EPB41L4A: variants seen among roughly 807,000 people sequenced by gnomAD.
EPB41L4A encodes the protein erythrocyte membrane protein band 4.1 like 4A.
In EPB41L4A, 100 loss-of-function variants were observed where a neutral mutation model predicts 108.6. The observed-to-expected ratio is 0.92, with a 90% CI of 0.78 to 1.09. The LOEUF is 1.09. Ranked by LOEUF, EPB41L4A falls within the 50% of genes least tolerant of loss-of-function variation. The pLI is 0.00. For synonymous variants in EPB41L4A, 319 were observed against 289.0 expected (o/e 1.10, Z -1.05); for missense variants, 1,030 against 842.7 (o/e 1.22, Z -2.75).
At chr5:112,397,387 T>A (rs1761429937) in intron 1 of EPB41L4A, among the ~76,000 whole-genome samples, 1 of 152,190 alleles carries the variant, frequency 6.6e-6, no homozygotes, top group Non-Finnish European at 1.5e-5. Context: ...TATACATGTA[T>A]TACGTCTTAA....
chr5:112,301,319 G>T lies in EPB41L4A; in HGVS notation c.204+6067C>A, dbSNP rs540567893. Among the ~76,000 whole-genome samples, 3 of 152,254 alleles carry T rather than the reference G, an allele frequency of 2.0e-5. No homozygotes were observed. The Middle Eastern group carries it at 0.01, about 518-fold the overall frequency. On this transcript the variant is annotated intron_variant, in intron 2 of 22. Coordinates refer to ENST00000261486, the MANE Select transcript of EPB41L4A (RefSeq NM_022140.5). ...ATCTGGAACTTAAGGCTGCTGTTCA[G>T]ATTCTTTTGTCCCATGGGGTGTTCC...
chr5:112,307,445 C>T lies in EPB41L4A; in HGVS notation c.145G>A (p.Val49Ile), dbSNP rs969570026. ...SVVLDHVFHH[V>I]NLVEIDYFGL... ...AAATAATCTATCTCCACAAGGTTTA[C>T]GTGATGGAATACGTGGTCAAGGACA... The change falls in exon 2 of 23, where the codon GTA (valine) becomes ATA (isoleucine). Residue 49 changes from valine to isoleucine, a missense_variant. Transcript: ENST00000261486. 17 of 1,613,098 alleles carry T rather than the reference C, an allele frequency of 1.1e-5. No individual in the cohort carries two copies. The highest frequency in any genetic ancestry group is 1.2e-5 in the Non-Finnish European group (14 of 1,179,342).
rs777096711 is a variant in EPB41L4A, at chr5:112,280,295, G to T, written c.233C>A (p.Ala78Asp). ...TYWLDPAKTL[A>D]EHKELINTGP... ...ACTGTTGATCAGTTCTTTGTGTTCA[G>T]CAAGGGTTTTTGCAGGATCCAGCCA... The change falls in exon 3 of 23, where the codon GCT (alanine) becomes GAT (aspartate). Residue 78 changes from alanine (A) to aspartate (D), a missense_variant. Transcript: ENST00000261486. 6 of 1,614,018 alleles carry T rather than the reference G, an allele frequency of 3.7e-6. No homozygotes were observed. Among genetic ancestry groups the T allele is most frequent in the Non-Finnish European group, 5.1e-6 (6 of 1,179,908 alleles).
chr5:112,199,823 CTGAAACCAT>C (rs1762135860), intron 15 of EPB41L4A, among the ~76,000 whole-genome samples: 13 of 152,224 alleles, frequency 8.5e-5, no homozygotes, highest in Admixed American at 8.5e-4. Flanking sequence ...TCACTGGCTA[CTGAAACCAT>C]CTACTTCTTT....
chr5:112,218,462 A>G (rs1747811079), intron 12 of EPB41L4A, among the ~76,000 whole-genome samples: 1 of 152,116 alleles, frequency 6.6e-6, no homozygotes, highest in Non-Finnish European at 1.5e-5. Context: ...CCTCTCCTCC[A>G]ATCCTCTATC....
In EPB41L4A at chr5:112,418,075, C is replaced by G. The variant is rs572313275; in HGVS notation, c.99+866G>C. Among the ~76,000 whole-genome samples, 71 of 152,296 alleles carry G rather than the reference C, an allele frequency of 4.7e-4. 2 individuals carry two copies. The South Asian group carries it at 0.015, about 31-fold the overall frequency. On this transcript the variant is annotated intron_variant, in intron 1 of 22. Coordinates refer to ENST00000261486, the MANE Select transcript of EPB41L4A (RefSeq NM_022140.5). ...GGGGGGGCGGTTTCCCTTCACCAGA[C>G]TCAGCTGTTGCCTTATCTAAAATGC...
At chr5:112,142,308 T>G (rs1303751526), downstream of EPB41L4A, 1 of 152,240 alleles carries the variant, frequency 6.6e-6, no homozygotes. Flanking sequence ...TCATTCACCA[T>G]CTTCTGGCTT....
Position 112,307,568 on chromosome 5 carries a change from T to G in EPB41L4A, c.100-78A>C, listed in dbSNP as rs1754776994. ...AGTACACAGTCATGGTTCTCATCTT[T>G]TATTAGTTTCACTCACAATAGCAGC... is the stretch of plus-strand genomic sequence containing the variant. On this transcript the variant is annotated intron_variant, in intron 1 of 22. Transcript: ENST00000261486. 5.5e-6 allele frequency: 5 copies of G among 903,010 alleles called. No homozygotes were observed. In the South Asian group the frequency reaches 6.3e-5, roughly 11 times the overall value. The allele number at this position is 903,010 out of a possible 1,614,324, so 55.9% of individuals were successfully genotyped here.
intron 2 of EPB41L4A, among the ~76,000 whole-genome samples, chr5:112,285,188 A>G (rs1753208921): frequency 6.6e-6 from 1 of 152,224 alleles, no homozygotes; most frequent in Non-Finnish European, 1.5e-5. Flanking sequence ...TAAGAATGTT[A>G]CATTGACATT....
rs908192076 is a variant in EPB41L4A at position 112,173,647 on chromosome 5, T to A, written c.1623-2655A>T. The A allele has an allele frequency of 2.3e-4, 3 of 13,186 alleles. No individual in the cohort carries two copies. In the East Asian group the frequency reaches 0.5, roughly 2,198 times the overall value. 0.8% of individuals were successfully genotyped at this position (13,186 alleles called of 1,614,324 possible). A position where few individuals can be genotyped will look rare whatever the true frequency, so the allele number is the denominator to read the frequency against. On this transcript the variant is annotated intron_variant, in intron 18 of 22. Transcript: ENST00000261486. ...AAGAATTAGAGAAATGTTATCTTTG[T>A]TTTTTTTTTTTTTTGAGAGAGAGTC...
chr5:112,218,629 GTTT>G (rs1231542521), intron 12 of EPB41L4A, among the ~76,000 whole-genome samples: 3 of 152,240 alleles, frequency 2.0e-5, no homozygotes, highest in Middle Eastern at 3.4e-3. Context: ...TACTTTTGAG[GTTT>G]TTATTTGATG....
At chr5:112,244,991 A>G (rs1402530451) in intron 9 of EPB41L4A, among the ~76,000 whole-genome samples, 1 of 152,148 alleles carries the variant, frequency 6.6e-6, no homozygotes, top group Non-Finnish European at 1.5e-5. Flanking sequence ...TGACACAGTG[A>G]CACGAAGTGA....
In EPB41L4A at chr5:112,253,997, G is replaced by A. The variant is rs923521654; in HGVS notation, c.795+5232C>T. On this transcript the variant is annotated intron_variant, in intron 9 of 22. Transcript: ENST00000261486. Reference sequence around the variant, plus strand: ...CGTGTACTCTCCTTAAAGCAAGCCGGAGAGTTCTGCCAAGTGGATCTCATT... The same window carrying A: ...CGTGTACTCTCCTTAAAGCAAGCCGAAGAGTTCTGCCAAGTGGATCTCATT... Among the ~76,000 whole-genome samples the A allele has an allele frequency of 5.9e-5, 9 of 152,230 alleles. No homozygotes were observed. The South Asian group carries it at 8.3e-4, about 14-fold the overall frequency.
intron 1 of EPB41L4A, among the ~76,000 whole-genome samples, chr5:112,403,061 T>C (rs561394733): frequency 6.6e-6 from 1 of 151,808 alleles, no homozygotes; most frequent in African/African-American, 2.4e-5. Flanking sequence ...AAAACAAAGA[T>C]TTTTAACCCA....
intron 12 of EPB41L4A, among the ~76,000 whole-genome samples, chr5:112,151,316 G>GGGTA (rs771510891): frequency 7.7e-4 from 116 of 149,894 alleles, no homozygotes; most frequent in Admixed American, 1.6e-3. Flanking sequence ...GTGGGGTAAA[G>GGGTA]GGTAGCTAGC....
At chr5:112,242,693 T>C (rs1423682005) in intron 9 of EPB41L4A, among the ~76,000 whole-genome samples, 1 of 152,208 alleles carries the variant, frequency 6.6e-6, no homozygotes, top group East Asian at 1.9e-4. Context: ...ATCTATCGCA[T>C]CTATAGTTTG....
chr5:112,318,402 T>G (rs1358119202), intron 1 of EPB41L4A, among the ~76,000 whole-genome samples: 1 of 152,190 alleles, frequency 6.6e-6, no homozygotes, highest in Non-Finnish European at 1.5e-5. Flanking sequence ...CTGTCTAGGA[T>G]CCCTGAGCCA....
chr5:112,235,487 A>C (rs1349280117), intron 11 of EPB41L4A, among the ~76,000 whole-genome samples: 1 of 152,206 alleles, frequency 6.6e-6, no homozygotes, highest in East Asian at 1.9e-4. Flanking sequence ...ATGCAGGTAA[A>C]TATCATTTAG....
chr5:112,409,840 A>G (rs1164293271), intron 1 of EPB41L4A, among the ~76,000 whole-genome samples: 2 of 152,140 alleles, frequency 1.3e-5, no homozygotes, highest in Non-Finnish European at 2.9e-5. Context: ...TACTGATGAG[A>G]AAGCCAACTC....
Sources: gnomAD v4.1 joint callset for allele counts (sites outside exome capture counted in the v4.1 genomes callset) on GRCh38, gnomAD v4.1.1 for gene constraint, MANE v1.5 for transcripts, NCBI Gene and HGNC (gene_info 2026-07-23, HGNC 2026-07-21) for gene names.